Variants in DENND2C observed in about 807,000 individuals in gnomAD.
DENND2C encodes the protein DENN domain-containing protein 2C.
DENND2C carries 72 observed loss-of-function variants against 112.4 expected under a neutral mutation model. The observed-to-expected ratio is 0.64, with a 90% CI of 0.53 to 0.78. The LOEUF (loss-of-function observed/expected upper bound fraction) is 0.78. Among genes scored for constraint, DENND2C ranks in the 30% least tolerant of loss-of-function variants. The pLI is 0.00. For missense variants in DENND2C, 992 were observed against 1,113.8 expected (o/e 0.89, Z 1.56); for synonymous variants, 329 against 381.6 (o/e 0.86, Z 1.61).
At chr1:114,595,400 A>T (rs1158929847) in intron 17 of DENND2C, 3 of 154,694 alleles carry the variant, frequency 1.9e-5, no homozygotes, top group African/African-American at 7.2e-5. Context: ...GAATGGCGTG[A>T]ACCCAGGAGG....
At chr1:114,636,570 T>C (rs770808391) in intron 3 of DENND2C, among the ~76,000 whole-genome samples, 4 of 151,604 alleles carry the variant, frequency 2.6e-5, no homozygotes, top group Non-Finnish European at 5.9e-5. Context: ...GAGATTAAGG[T>C]GGGAATGGGG....
chr1:114,616,469 G>C (rs1655975558), intron 8 of DENND2C, among the ~76,000 whole-genome samples: 1 of 152,044 alleles, frequency 6.6e-6, no homozygotes, highest in Non-Finnish European at 1.5e-5. Context: ...CTATGACTTA[G>C]CTGGTGTTTC....
intron 2 of DENND2C, among the ~76,000 whole-genome samples, chr1:114,650,231 G>A (rs1015166343): frequency 1.3e-5 from 2 of 152,018 alleles, no homozygotes; most frequent in South Asian, 2.1e-4. Flanking sequence ...GCTGAGGCAG[G>A]AGAATCGCTT....
chr1:114,632,095 A>T (rs984088973), intron 3 of DENND2C, among the ~76,000 whole-genome samples: 1 of 152,216 alleles, frequency 6.6e-6, no homozygotes, highest in African/African-American at 2.4e-5. Context: ...AACTGTTTTT[A>T]AAAAGCCTGA....
chr1:114,591,729 T>C (rs926024356), intron 18 of DENND2C, among the ~76,000 whole-genome samples: 5 of 151,906 alleles, frequency 3.3e-5, no homozygotes, highest in African/African-American at 1.2e-4. Flanking sequence ...TTCTATTCTT[T>C]TAAAAATATT....
At chr1:114,623,393 G>C in intron 5 of DENND2C, 114 bp downstream of exon 5, 1 of 1,063,852 alleles carries the variant, frequency 9.4e-7, no homozygotes, top group Non-Finnish European at 1.3e-6. Context: ...CCATGCTAAA[G>C]AGAAAAACCT....
intron 6 of DENND2C, 53 bp from the exon 7 acceptor site, chr1:114,622,118 T>C: frequency 6.8e-7 from 1 of 1,461,716 alleles, no homozygotes. Flanking sequence ...CTGTTGTTGC[T>C]TGTTTGTTTG....
chr1:114,595,779 CTA>C, intron 17 of DENND2C, 51 bp downstream of exon 17: 1 of 1,494,014 alleles, frequency 6.7e-7, no homozygotes, highest in Non-Finnish European at 9.3e-7. Flanking sequence ...GTCCAATTAT[CTA>C]CAGTAGACAT....
Position 114,622,079 on chromosome 1 carries a change from A to T in DENND2C, c.1057-14T>A. The T allele has an allele frequency of 6.6e-7, 1 of 1,522,008 alleles. No homozygotes were observed. The highest frequency in any genetic ancestry group is 8.8e-7 in the Non-Finnish European group (1 of 1,135,752). The allele number at this position is 1,522,008 out of a possible 1,614,324, so 94.3% of individuals were successfully genotyped here. A position where few individuals can be genotyped will look rare whatever the true frequency, so the allele number is the denominator to read the frequency against. On this transcript the variant is annotated splice_polypyrimidine_tract_variant and intron_variant, in intron 6 of 20. Transcript: ENST00000393274. Reference sequence around the variant, plus strand: ...TTTTGGAGGGAGCTAAAACAGGAGAAGATGTACTGGTAAGATCACCTAGTT... The same window carrying T: ...TTTTGGAGGGAGCTAAAACAGGAGATGATGTACTGGTAAGATCACCTAGTT...
chr1:114,633,439 CAAAAAAAAAAA>C (rs780884019), intron 3 of DENND2C, among the ~76,000 whole-genome samples: 3 of 49,212 alleles, frequency 6.1e-5, no homozygotes, highest in South Asian at 1.7e-3. Flanking sequence ...GACCCTATCT[CAAAAAAAAAAA>C]AAAAAAAAAA....
chr1:114,630,235 G>A (rs2101671492), intron 3 of DENND2C, among the ~76,000 whole-genome samples: 1 of 152,112 alleles, frequency 6.6e-6, no homozygotes, highest in Non-Finnish European at 1.5e-5. Flanking sequence ...TTGAACCCGG[G>A]AGGTAGAGGC....
intron 4 of DENND2C, 95 bp from the exon 5 acceptor site, chr1:114,623,738 TTTA>T: frequency 5.1e-6 from 5 of 972,056 alleles, no homozygotes; most frequent in Admixed American, 3.5e-5. Context: ...GATTGTTTGT[TTTA>T]TTATTATTTT....
Position 114,638,762 on chromosome 1 carries a change from C to CA in DENND2C, c.-205+6685dup, listed in dbSNP as rs35740017. On this transcript the variant is annotated intron_variant, in intron 3 of 20. Transcript: ENST00000393274. ...TGGGCAACAGAGCCAGACCTTGTCT[C>CA]AAAAAAAAAAAAAAAAAGAGAAAAA... Among the ~76,000 whole-genome samples the CA allele has an allele frequency of 6.0e-3, 505 of 83,864 alleles. 4 individuals are homozygous for CA. Among genetic ancestry groups the CA allele is most frequent in the East Asian group, 0.038 (57 of 1,504 alleles). The allele number at this position is 83,864 out of a possible 152,430, so 55.0% of individuals were successfully genotyped here.
Position 114,625,994 on chromosome 1 carries a change from T to C in DENND2C, c.-10A>G. ...AAAAACCAACATCCATGTTCCCAAC[T>C]GGGTGAATGACAAGTGATGAATCTT... On this transcript the variant is annotated 5_prime_UTR_variant, in exon 4 of 21. Coordinates refer to ENST00000393274, the MANE Select transcript of DENND2C (RefSeq NM_001256404.2). The C allele has an allele frequency of 6.3e-7, 1 of 1,596,978 alleles. No homozygotes were observed. The highest frequency in any genetic ancestry group is 8.5e-7 in the Non-Finnish European group (1 of 1,171,102).
intron 2 of DENND2C, among the ~76,000 whole-genome samples, chr1:114,646,471 G>T (rs766280572): frequency 1.1e-4 from 17 of 152,246 alleles, no homozygotes; most frequent in Admixed American, 2.0e-4. Flanking sequence ...ATTTTCAAAG[G>T]ATTATAATGA....
chr1:114,651,564 C>A (rs961226285), intron 2 of DENND2C, among the ~76,000 whole-genome samples: 2 of 151,964 alleles, frequency 1.3e-5, no homozygotes, highest in Non-Finnish European at 1.5e-5. Flanking sequence ...CATGGTGAAA[C>A]CCCATCTCTA....
At chr1:114,625,077 A>T in intron 4 of DENND2C, 102 bp downstream of exon 4, 3 of 1,186,096 alleles carry the variant, frequency 2.5e-6, no homozygotes, top group Non-Finnish European at 3.5e-6. Context: ...CAGGGGCATC[A>T]CCTAAGCTGG....
At chr1:114,614,938 C>T (rs891347903) in intron 8 of DENND2C, among the ~76,000 whole-genome samples, 2 of 151,678 alleles carry the variant, frequency 1.3e-5, no homozygotes, top group Non-Finnish European at 2.9e-5. Flanking sequence ...TGCTTAAACC[C>T]AGGAAGCAGA....
intron 1 of DENND2C, among the ~76,000 whole-genome samples, chr1:114,659,501 C>CAAACAAAACA (rs553924062): frequency 2.0e-5 from 3 of 152,050 alleles, no homozygotes; most frequent in Non-Finnish European, 4.4e-5. Flanking sequence ...GACTCTGTCT[C>CAAACAAAACA]AAACAAAACA....
Sources: gnomAD v4.1 joint callset for allele counts (sites outside exome capture counted in the v4.1 genomes callset) on GRCh38, gnomAD v4.1.1 for gene constraint, MANE v1.5 for transcripts, NCBI Gene and HGNC (gene_info 2026-07-23, HGNC 2026-07-21) for gene names.